FRYL: variants seen among roughly 807,000 people sequenced by gnomAD.
FRYL encodes FRY like transcription coactivator, also known as protein furry homolog-like.
Under a neutral mutation model 351.2 loss-of-function variants are expected in FRYL, and 150 were observed. That is an observed-to-expected ratio of 0.43 (90% CI 0.37 to 0.49). The LOEUF is 0.49. FRYL is among the 20% of genes least tolerant of loss of function. The probability of loss-of-function intolerance (pLI) is 0.00; values close to 1 mark genes in which losing one functional copy is unlikely to be tolerated. For synonymous variants in FRYL, 1,153 were observed against 1,257.1 expected, an observed-to-expected ratio of 0.92 and a Z score of 1.75; for missense variants, 3,036 against 3,619.3, an observed-to-expected ratio of 0.84 and a Z score of 4.13.
chr4:48,643,183 G>C (rs1255339190), intron 3 of FRYL, among the ~76,000 whole-genome samples: 3 of 152,164 alleles, frequency 2.0e-5, no homozygotes, highest in Non-Finnish European at 4.4e-5. Context: ...CTGGACCCAG[G>C]GACTGGGGGA....
chr4:48,750,675 G>A (rs1051071911), intron 1 of FRYL, among the ~76,000 whole-genome samples: 5 of 152,110 alleles, frequency 3.3e-5, no homozygotes, highest in Admixed American at 3.3e-4. Context: ...AGAAAGAGAA[G>A]AGTTACGGAT....
At chr4:48,658,574 CA>C (rs1227856477) in intron 3 of FRYL, among the ~76,000 whole-genome samples, 2 of 18,338 alleles carry the variant, frequency 1.1e-4, no homozygotes, top group African/African-American at 6.1e-4. Flanking sequence ...CTCATCTCTA[CA>C]AAAAAATACA....
At chr4:48,681,230 T>C in intron 3 of FRYL, 1 of 372,146 alleles carries the variant, frequency 2.7e-6, no homozygotes, top group Admixed American at 5.3e-5. Flanking sequence ...AAAGAGCAAA[T>C]AAACGTCATA....
At chr4:48,579,747 C>T (rs1740461873) in intron 22 of FRYL, among the ~76,000 whole-genome samples, 1 of 152,076 alleles carries the variant, frequency 6.6e-6, no homozygotes, top group Non-Finnish European at 1.5e-5. Flanking sequence ...GCTTTAGGCA[C>T]AAGAAACAAG....
intron 1 of FRYL, among the ~76,000 whole-genome samples, chr4:48,745,136 T>C (rs1772524084): frequency 6.6e-6 from 1 of 152,130 alleles, no homozygotes; most frequent in South Asian, 2.1e-4. Flanking sequence ...TAGAAAGATA[T>C]ATACAGTGGC....
chr4:48,743,020 C>T (rs1290809940), intron 1 of FRYL, among the ~76,000 whole-genome samples: 3 of 127,008 alleles, frequency 2.4e-5, no homozygotes, highest in East Asian at 2.5e-4. Context: ...AGTTTCATCA[C>T]GTCGATCAGG....
chr4:48,765,315 T>C (rs759409860), intron 1 of FRYL, among the ~76,000 whole-genome samples: 6 of 151,822 alleles, frequency 4.0e-5, no homozygotes, highest in South Asian at 4.2e-4. Context: ...TAGAGACCAA[T>C]AGAACAAAAT....
intron 50 of FRYL, among the ~76,000 whole-genome samples, chr4:48,530,413 C>T (rs1038086163): frequency 2.0e-5 from 3 of 152,082 alleles, no homozygotes; most frequent in Non-Finnish European, 4.4e-5. Context: ...GATTCCTTAC[C>T]AACTGTCCTC....
At chr4:48,746,211 G>A (rs1336063865) in intron 1 of FRYL, among the ~76,000 whole-genome samples, 1 of 152,160 alleles carries the variant, frequency 6.6e-6, no homozygotes, top group Non-Finnish European at 1.5e-5. Context: ...TAAGGATCTG[G>A]ATTTCTCTAC....
Position 48,595,657 on chromosome 4 carries a change from G to GA in FRYL, c.1180dup (p.Ser394PhefsTer8). ...TGTGTCACGAGGAACCACACTTCGT[G>GA]AGCCTTTTGGAAAAAGTGCTGACAC... On this transcript the variant is annotated frameshift_variant, in exon 15 of 64. Coordinates refer to ENST00000358350, the MANE Select transcript of FRYL (RefSeq NM_015030.2). LOFTEE classifies it high-confidence loss of function. 6.2e-7 allele frequency: 1 copy of GA among 1,613,326 alleles called. No homozygotes were observed. The highest frequency in any genetic ancestry group is 1.1e-5 in the South Asian group (1 of 90,982).
chr4:48,539,585 C>T (rs1384548881), intron 47 of FRYL, among the ~76,000 whole-genome samples: 4 of 151,764 alleles, frequency 2.6e-5, no homozygotes, highest in African/African-American at 4.8e-5. Context: ...ATTTACTTCA[C>T]TGCATTCCCC....
intron 1 of FRYL, among the ~76,000 whole-genome samples, chr4:48,715,214 A>G (rs1768636552): frequency 1.3e-5 from 2 of 151,548 alleles, no homozygotes; most frequent in Non-Finnish European, 1.5e-5. Context: ...AACTGGCACA[A>G]GACAGGGATG....
chr4:48,709,911 C>T (rs1027306948), intron 2 of FRYL, among the ~76,000 whole-genome samples: 2 of 152,148 alleles, frequency 1.3e-5, no homozygotes, highest in Non-Finnish European at 2.9e-5. Flanking sequence ...AGGCATTGGT[C>T]GACTGGCTCA....
intron 35 of FRYL, among the ~76,000 whole-genome samples, chr4:48,554,736 C>T (rs1232501109): frequency 2.0e-5 from 3 of 152,208 alleles, no homozygotes; most frequent in Non-Finnish European, 4.4e-5. Flanking sequence ...TTTTCAGGTT[C>T]GATCTCCTCT....
intron 36 of FRYL, among the ~76,000 whole-genome samples, chr4:48,552,109 C>CA (rs1208142428): frequency 2.6e-5 from 4 of 152,144 alleles, no homozygotes; most frequent in Non-Finnish European, 5.9e-5. Flanking sequence ...TTACAAAGAA[C>CA]AGGGGCATTA....
At chr4:48,563,146 G>A (rs921406553) in intron 31 of FRYL, among the ~76,000 whole-genome samples, 158 bp from the exon 32 acceptor site, 2 of 152,088 alleles carry the variant, frequency 1.3e-5, no homozygotes, top group African/African-American at 4.8e-5. Flanking sequence ...AACAACAGAT[G>A]CATGGTGATA....
chr4:48,524,747 AC>A (rs1725643495), intron 53 of FRYL, among the ~76,000 whole-genome samples: 1 of 152,192 alleles, frequency 6.6e-6, no homozygotes, highest in South Asian at 2.1e-4. Context: ...CATGTTTATT[AC>A]CACTGACATT....
intron 61 of FRYL, among the ~76,000 whole-genome samples, chr4:48,502,182 T>C (rs1409877947): frequency 6.6e-6 from 1 of 152,220 alleles, no homozygotes; most frequent in Non-Finnish European, 1.5e-5. Context: ...AAAAGCTGTC[T>C]TTTAAAGTGA....
At chr4:48,774,416 T>A (rs1775809766) in intron 1 of FRYL, among the ~76,000 whole-genome samples, 1 of 152,224 alleles carries the variant, frequency 6.6e-6, no homozygotes, top group Admixed American at 6.5e-5. Context: ...CTGACAGTGT[T>A]ACATGGTCCC....
Sources: allele counts gnomAD v4.1 joint callset (sites outside exome capture counted in the v4.1 genomes callset), GRCh38; gene constraint gnomAD v4.1.1; transcripts MANE v1.5; gene names NCBI Gene and HGNC (gene_info 2026-07-23, HGNC 2026-07-21).